Variants in ABCC3 observed in about 807,000 individuals in gnomAD.
The protein encoded by ABCC3 is ATP-binding cassette sub-family C member 3.
A neutral mutation model predicts 165.3 loss-of-function variants in ABCC3; 121 were observed. The ratio of observed to expected loss-of-function variants is 0.73; its 90% CI spans 0.63 to 0.85. The LOEUF is 0.85. Among genes scored for constraint, ABCC3 ranks in the 40% least tolerant of loss-of-function variants. The pLI is 0.00. For missense variants in ABCC3, 1,869 were observed against 1,964.1 expected (o/e 0.95, Z 0.92); for synonymous variants, 733 against 810.1 (o/e 0.90, Z 1.62).
chr17:50,641,812 G>A (rs896246361), intron 1 of ABCC3, among the ~76,000 whole-genome samples: 8 of 152,070 alleles, frequency 5.3e-5, no homozygotes, highest in African/African-American at 1.2e-4. Context: ...TTGGGAGGCC[G>A]AAGCAGGAGG....
Position 50,676,025 on chromosome 17 carries a change from C to T in ABCC3, c.3002C>T (p.Ala1001Val). The T allele has an allele frequency of 6.2e-7, 1 of 1,614,196 alleles. No homozygotes were observed. Among genetic ancestry groups the T allele is most frequent in the Non-Finnish European group, 8.5e-7 (1 of 1,180,042 alleles). Reference sequence around the variant, plus strand: ...AGTGCCTGGACAAATGATGCCATGGCAGACAGTAGACAGAACAACACTTCC... The same window carrying T: ...AGTGCCTGGACAAATGATGCCATGGTAGACAGTAGACAGAACAACACTTCC... Reference protein sequence around the residue: ...WLSAWTNDAMADSRQNNTSLR... With the variant: ...WLSAWTNDAMVDSRQNNTSLR... The change falls in exon 22 of 31, where the codon GCA (alanine) becomes GTA (valine). Residue 1001 changes from alanine to valine, a missense_variant. Ala to Val is a moderately conservative substitution (Grantham distance 64, BLOSUM62 0). Coordinates refer to ENST00000285238, the MANE Select transcript of ABCC3 (RefSeq NM_003786.4).
Position 50,666,428 on chromosome 17 carries a change from G to A in ABCC3, c.1432-1126G>A, listed in dbSNP as rs191094517. Among the ~76,000 whole-genome samples the A allele has an allele frequency of 4.6e-5, 7 of 152,140 alleles. 1 individual carries two copies. The South Asian group carries it at 8.3e-4, about 18-fold the overall frequency. Reference sequence around the variant, plus strand: ...AGAGGTTGCGGTGAGCCAAGATCGCGCCATTGCACTCCCACCTGGGCAACA... The same window carrying A: ...AGAGGTTGCGGTGAGCCAAGATCGCACCATTGCACTCCCACCTGGGCAACA... On this transcript the variant is annotated intron_variant, in intron 11 of 30. Coordinates refer to ENST00000285238, the MANE Select transcript of ABCC3 (RefSeq NM_003786.4).
rs186648055 is a variant in ABCC3, at chr17:50,650,201, G to T, written c.46-5631G>T. Among the ~76,000 whole-genome samples, 639 of 152,308 alleles carry T rather than the reference G, an allele frequency of 4.2e-3. 6 individuals carry two copies. The highest frequency in any genetic ancestry group is 0.014 in the African/African-American group (589 of 41,572). On this transcript the variant is annotated intron_variant, in intron 1 of 30. Coordinates refer to ENST00000285238, the MANE Select transcript of ABCC3 (RefSeq NM_003786.4). ...GCTTACTGCAACCTCCGCCTCCCGG[G>T]TTCAAGTGATTCTCCTGCCTCAGCC... is the stretch of plus-strand genomic sequence containing the variant.
At chr17:50,656,595 C>G in intron 2 of ABCC3, 107 bp from the exon 3 acceptor site, 1 of 1,453,374 alleles carries the variant, frequency 6.9e-7, no homozygotes, top group South Asian at 1.4e-5. Context: ...GTGCCAGTCC[C>G]AGGCAGGTCT....
Position 50,679,659 on chromosome 17 carries a change from C to G in ABCC3, c.3706-139C>G, listed in dbSNP as rs560496487. 11 of 727,168 alleles carry G rather than the reference C, an allele frequency of 1.5e-5. No homozygotes were observed. The African/African-American group carries it at 1.6e-4, about 10-fold the overall frequency. The allele number at this position is 727,168 out of a possible 1,614,324, so 45.0% of individuals were successfully genotyped here. A position where few individuals can be genotyped will look rare whatever the true frequency, so the allele number is the denominator to read the frequency against. The stretch of plus-strand genomic sequence containing the variant: ...CAGCCCCAGCTGGCATGCCTGTGGG[C>G]TTGATCCAGGCCCACCTGGGTCATC... On this transcript the variant is annotated intron_variant, in intron 25 of 30. Transcript: ENST00000285238.
chr17:50,689,710 T>TC (rs1968085174), intron 30 of ABCC3, among the ~76,000 whole-genome samples: 2 of 152,136 alleles, frequency 1.3e-5, no homozygotes, highest in East Asian at 1.9e-4. Flanking sequence ...TCCATCCCTC[T>TC]CCTACCCTCA....
At chr17:50,656,344 G>A (rs1251951409) in intron 2 of ABCC3, among the ~76,000 whole-genome samples, 3 of 152,154 alleles carry the variant, frequency 2.0e-5, no homozygotes, top group African/African-American at 7.2e-5. Flanking sequence ...CAAAGTGCTG[G>A]GATTAGAGGC....
At position 50,664,134 on chromosome 17, in the gene ABCC3, T is replaced by G. The variant is rs371660167; in HGVS notation, c.1338+23T>G. On this transcript the variant is annotated intron_variant, in intron 10 of 30. Coordinates refer to ENST00000285238, the MANE Select transcript of ABCC3 (RefSeq NM_003786.4). Reference sequence around the variant, plus strand: ...CAGGTGACTCTCCAACCCTGACCTCTGCCTCCTTCCTCTGACATGCTGCAG... The same window carrying G: ...CAGGTGACTCTCCAACCCTGACCTCGGCCTCCTTCCTCTGACATGCTGCAG... 3.1e-6 allele frequency: 5 copies of G among 1,612,588 alleles called. No homozygotes were observed. In the African/African-American group the frequency reaches 6.7e-5, roughly 22 times the overall value.
intron 25 of ABCC3, 25 bp downstream of exon 25, chr17:50,678,244 C>T (rs780301717): frequency 4.6e-6 from 7 of 1,513,520 alleles, no homozygotes; most frequent in Non-Finnish European, 5.3e-6. Flanking sequence ...GACCCCAGGG[C>T]AGGGCCACCA....
At chr17:50,660,853 A>G in intron 7 of ABCC3, 70 bp from the exon 8 acceptor site, 1 of 1,410,306 alleles carries the variant, frequency 7.1e-7, no homozygotes, top group South Asian at 1.3e-5. Context: ...TAGCCAGCCC[A>G]GCCTAGCCCT....
intron 25 of ABCC3, 143 bp downstream of exon 25, chr17:50,678,362 A>G (rs1967869486): frequency 1.1e-6 from 1 of 922,940 alleles, no homozygotes; most frequent in Non-Finnish European, 1.5e-6. Flanking sequence ...AGAAAAAAAA[A>G]AAAAGAAAAA....
intron 28 of ABCC3, 75 bp from the exon 29 acceptor site, chr17:50,684,634 C>T (rs1346708502): frequency 6.7e-7 from 1 of 1,485,020 alleles, no homozygotes; most frequent in East Asian, 2.3e-5. Flanking sequence ...TCCCTCTCTT[C>T]TTCCCTGGAC....
In ABCC3 at chr17:50,687,589, G is replaced by A. The variant is rs143817593; in HGVS notation, c.4334G>A (p.Arg1445His). The part of the protein sequence containing the change: ...CLARALLRKS[R>H]ILVLDEATAA... ...GCCCGAGCCCTGCTCCGCAAGAGCC[G>A]CATCCTGGTTTTAGACGAGGCCACA... The change falls in exon 30 of 31, where the codon CGC becomes CAC. Residue 1445 changes from arginine (R) to histidine (H), a missense_variant. Physicochemically the swap from Arg to His is conservative, Grantham distance 29. Transcript: ENST00000285238. The A allele has an allele frequency of 1.9e-4, 299 of 1,614,060 alleles. No homozygotes were observed. Among genetic ancestry groups the A allele is most frequent in the Non-Finnish European group, 2.4e-4 (287 of 1,180,044 alleles).
Position 50,655,865 on chromosome 17 carries a change from G to A in ABCC3, c.79G>A (p.Asp27Asn), listed in dbSNP as rs769243628. 8.7e-6 allele frequency: 14 copies of A among 1,613,928 alleles called. No homozygotes were observed. The South Asian group carries it at 1.3e-4, about 15-fold the overall frequency. Residue 27 changes from aspartate (D) to asparagine (N), a missense_variant, in exon 2 of 31, where the codon GAC (aspartate) becomes AAC (asparagine). By Grantham distance (23) the Asp-to-Asn change is conservative (BLOSUM62 1). Coordinates refer to ENST00000285238, the MANE Select transcript of ABCC3 (RefSeq NM_003786.4). ...CCTGTCTGTGCACACAGAAAACCCG[G>A]ACCTCACTCCCTGCTTCCAGAACTC... The part of the protein sequence containing the change: ...SNLSVHTENP[D>N]LTPCFQNSLL...
At position 50,691,109 on chromosome 17, in the gene ABCC3, AAGG is replaced by A; in HGVS notation, c.4496_4498del (p.Gly1499del). 3 of 1,614,032 alleles carry A rather than the reference AAGG, an allele frequency of 1.9e-6. No individual in the cohort carries two copies. In the South Asian group the frequency reaches 3.3e-5, roughly 18 times the overall value. On this transcript the variant is annotated inframe_deletion, in exon 31 of 31. Transcript: ENST00000285238. Reference sequence around the variant, plus strand: ...TTGACTAGGGTCCTGGTCCTGGACAAAGGAGTAGTAGCTGAATTTGATTCTCCA... The same window carrying A: ...TTGACTAGGGTCCTGGTCCTGGACAAAGTAGTAGCTGAATTTGATTCTCCA...
chr17:50,657,435 C>A (rs1370629634), intron 4 of ABCC3, among the ~76,000 whole-genome samples: 1 of 152,202 alleles, frequency 6.6e-6, no homozygotes, highest in Admixed American at 6.5e-5. Context: ...TTCCACAGCA[C>A]CCACCCACCA....
In ABCC3 at chr17:50,692,240, C is replaced by T. The variant is rs1302578601; in HGVS notation, c.*1040C>T. 1.4e-5 allele frequency: 2 copies of T among 138,580 alleles called. No individual in the cohort carries two copies. The highest frequency in any genetic ancestry group is 3.3e-5 in the Non-Finnish European group (2 of 61,286). The allele number at this position is 138,580 out of a possible 1,614,324, so 8.6% of individuals were successfully genotyped here. ...GTGAGGGGTGAATTAAATTTGTTTTCTTGAGCAAGCCAACAAAGAGTTTCT... is the reference window on the plus strand; with the variant it reads ...GTGAGGGGTGAATTAAATTTGTTTTTTTGAGCAAGCCAACAAAGAGTTTCT... On this transcript the variant is annotated 3_prime_UTR_variant, in exon 31 of 31. Transcript: ENST00000285238.
rs1968045421 is a variant in ABCC3 at position 50,687,576 on chromosome 17, C to T, written c.4321C>T (p.Leu1441Phe). 3 of 1,614,026 alleles carry T rather than the reference C, an allele frequency of 1.9e-6. No homozygotes were observed. Among genetic ancestry groups the T allele is most frequent in the Non-Finnish European group, 2.5e-6 (3 of 1,180,062 alleles). Residue 1441 changes from leucine to phenylalanine, a missense_variant, in exon 30 of 31, where the codon CTC becomes TTC. Transcript: ENST00000285238. ...RQLVCLARAL[L>F]RKSRILVLDE... ...GCTCGTGTGCCTGGCCCGAGCCCTG[C>T]TCCGCAAGAGCCGCATCCTGGTTTT...
In ABCC3 at chr17:50,676,042, A is replaced by G. The variant is rs766815731; in HGVS notation, c.3019A>G (p.Asn1007Asp). Residue 1007 changes from asparagine (N) to aspartate (D), a missense_variant, in exon 22 of 31, where the codon AAC becomes GAC. Coordinates refer to ENST00000285238, the MANE Select transcript of ABCC3 (RefSeq NM_003786.4). ...NDAMADSRQNNTSLRLGVYAA... is the reference protein window; with the variant it reads ...NDAMADSRQNDTSLRLGVYAA... Reference sequence around the variant, plus strand: ...TGCCATGGCAGACAGTAGACAGAACAACACTTCCCTGAGGCTGGGCGTCTA... The same window carrying G: ...TGCCATGGCAGACAGTAGACAGAACGACACTTCCCTGAGGCTGGGCGTCTA... 1 of 1,614,182 alleles carries G rather than the reference A, an allele frequency of 6.2e-7. No homozygotes were observed. Among genetic ancestry groups the G allele is most frequent in the South Asian group, 1.1e-5 (1 of 91,088 alleles).
Sources: gnomAD v4.1 joint callset for allele counts (sites outside exome capture counted in the v4.1 genomes callset) on GRCh38, gnomAD v4.1.1 for gene constraint, MANE v1.5 for transcripts, NCBI Gene and HGNC (gene_info 2026-07-23, HGNC 2026-07-21) for gene names.